Variants in AFF3 observed in about 807,000 individuals in gnomAD.
The protein encoded by AFF3 is ALF transcription elongation factor 3.
Under a neutral mutation model 129.7 loss-of-function variants are expected in AFF3, and 32 were observed. The ratio of observed to expected loss-of-function variants is 0.25; its 90% confidence interval spans 0.19 to 0.33. The LOEUF (loss-of-function observed/expected upper bound fraction) is 0.33. AFF3 is among the 10% of genes least tolerant of loss of function. The pLI is 1.00. For missense variants in AFF3, 1,373 were observed against 1,592.0 expected, an observed-to-expected ratio of 0.86 and a Z score of 2.34; for synonymous variants, 644 against 635.4, an observed-to-expected ratio of 1.01 and a Z score of -0.20.
chr2:99,646,380 C>T (rs1485476101), intron 13 of AFF3, among the ~76,000 whole-genome samples: 1 of 152,096 alleles, frequency 6.6e-6, no homozygotes, highest in East Asian at 1.9e-4. Context: ...TCTGTCCTGT[C>T]CCAGAATTAT....
chr2:99,578,501 C>T (rs1224798601), intron 17 of AFF3, 50 bp from the exon 18 acceptor site: 20 of 1,603,774 alleles, frequency 1.2e-5, no homozygotes, highest in East Asian at 6.8e-5. Flanking sequence ...CCTGGTGAAG[C>T]GAGCAGCCCA....
chr2:99,573,262 T>TTC (rs3838577), intron 18 of AFF3, among the ~76,000 whole-genome samples: 25,856 of 151,550 alleles, frequency 0.17, 5,223 homozygotes, highest in African/African-American at 0.48. Flanking sequence ...CTTCATTTCT[T>TTC]TCTCTCTCTC....
chr2:99,626,826 GTAGT>G (rs1682633039), intron 13 of AFF3, among the ~76,000 whole-genome samples: 1 of 152,156 alleles, frequency 6.6e-6, no homozygotes, highest in Non-Finnish European at 1.5e-5. Context: ...AGAACATACT[GTAGT>G]TAGTTTCCTT....
intron 13 of AFF3, among the ~76,000 whole-genome samples, chr2:99,602,066 G>A (rs1307417913): frequency 1.1e-4 from 17 of 152,214 alleles, no homozygotes; most frequent in Non-Finnish European, 1.5e-5. Flanking sequence ...GGAAAATGCA[G>A]CATGATGGCA....
chr2:99,687,169 A>G (rs1317158931), intron 11 of AFF3, among the ~76,000 whole-genome samples: 1 of 152,232 alleles, frequency 6.6e-6, no homozygotes, highest in Non-Finnish European at 1.5e-5. Context: ...TAGGAATGCA[A>G]TTTCCTATGT....
At chr2:99,908,311 T>C (rs1360028702) in intron 7 of AFF3, among the ~76,000 whole-genome samples, 1 of 152,130 alleles carries the variant, frequency 6.6e-6, no homozygotes, top group Non-Finnish European at 1.5e-5. Flanking sequence ...CCTTACACCT[T>C]ATACAAAAAT....
At chr2:99,720,096 G>A (rs1412445654) in intron 11 of AFF3, among the ~76,000 whole-genome samples, 1 of 152,128 alleles carries the variant, frequency 6.6e-6, no homozygotes, top group East Asian at 1.9e-4. Context: ...TAGACCGCAG[G>A]CAGTCTTAAT....
At position 99,660,136 on chromosome 2, in the gene AFF3, T is replaced by A. The variant is rs143655462; in HGVS notation, c.1144-10470A>T. ...GGACCTTTAAAAAGTCCTTATGCTA[T>A]CGCAATATGATGCTTTGGTAGAGTC... On this transcript the variant is annotated intron_variant, in intron 12 of 24. Transcript: ENST00000672756. Among the ~76,000 whole-genome samples the A allele has an allele frequency of 2.6e-4, 40 of 152,352 alleles. No individual in the cohort carries two copies. In the East Asian group the frequency reaches 6.9e-3, roughly 26 times the overall value.
At chr2:99,947,542 AGAG>A (rs1313181223) in intron 7 of AFF3, among the ~76,000 whole-genome samples, 11 of 144,190 alleles carry the variant, frequency 7.6e-5, no homozygotes, top group African/African-American at 3.0e-4. Flanking sequence ...AAAGAAAAAG[AGAG>A]AAAGAAAGAG....
rs76423894 is a variant in AFF3 at position 100,007,655 on chromosome 2, A to G, written c.175-195T>C. The G allele has an allele frequency of 7.1e-3, 4,417 of 618,172 alleles. 23 individuals carry two copies. The highest frequency in any genetic ancestry group is 8.5e-3 in the Non-Finnish European group (3,017 of 355,414). 38.3% of individuals were successfully genotyped at this position (618,172 alleles called of 1,614,324 possible). Reference sequence around the variant, plus strand: ...TGATGCACCAGAACAGGAAGCCTGTAATGGCCTTGGGGTGCATAAAAAGGG... The same window carrying G: ...TGATGCACCAGAACAGGAAGCCTGTGATGGCCTTGGGGTGCATAAAAAGGG... On this transcript the variant is annotated intron_variant, in intron 5 of 24. Coordinates refer to ENST00000672756, the MANE Select transcript of AFF3 (RefSeq NM_001386135.1).
chr2:100,094,509 G>C (rs1482375384), intron 4 of AFF3, among the ~76,000 whole-genome samples: 2 of 151,992 alleles, frequency 1.3e-5, no homozygotes. Flanking sequence ...GTTAGCAATG[G>C]GGAGCAGCTG....
chr2:99,572,773 G>A (rs946576682), intron 18 of AFF3: 11 of 397,374 alleles, frequency 2.8e-5, no homozygotes, highest in African/African-American at 2.1e-4. Flanking sequence ...CAGAGTCAGT[G>A]AAGACTATGG....
intron 11 of AFF3, among the ~76,000 whole-genome samples, chr2:99,702,894 G>A (rs1322435816): frequency 6.6e-6 from 1 of 152,196 alleles, no homozygotes; most frequent in African/African-American, 2.4e-5. Context: ...CTTTCACAGA[G>A]CAAAAGGTTT....
chr2:100,064,588 C>A (rs1297446207), intron 4 of AFF3, among the ~76,000 whole-genome samples: 1 of 152,190 alleles, frequency 6.6e-6, no homozygotes, highest in African/African-American at 2.4e-5. Context: ...CCTTCCTCAA[C>A]AAAAAGCTTG....
intron 7 of AFF3, among the ~76,000 whole-genome samples, chr2:99,871,811 G>A (rs1158671704): frequency 6.6e-6 from 1 of 152,080 alleles, no homozygotes; most frequent in Non-Finnish European, 1.5e-5. Flanking sequence ...GGGTTTAGTT[G>A]CAACCCACAC....
chr2:99,739,767 G>A (rs962248225), intron 10 of AFF3, among the ~76,000 whole-genome samples: 5 of 151,250 alleles, frequency 3.3e-5, no homozygotes, highest in African/African-American at 9.7e-5. Context: ...TTTTGTTTTT[G>A]GTTTCTCTGA....
chr2:100,142,175 C>T (rs1692913944), intron 1 of AFF3, among the ~76,000 whole-genome samples: 1 of 152,042 alleles, frequency 6.6e-6, no homozygotes, highest in African/African-American at 2.4e-5. Context: ...AGCATGTTCA[C>T]ACTCAGGTTA....
chr2:99,838,534 G>A (rs1245273843), intron 7 of AFF3, among the ~76,000 whole-genome samples: 3 of 151,980 alleles, frequency 2.0e-5, no homozygotes, highest in South Asian at 2.1e-4. Context: ...AGCTTCCTCC[G>A]AGCAGCCACC....
At chr2:99,887,608 C>A (rs1310666954) in intron 7 of AFF3, among the ~76,000 whole-genome samples, 3 of 152,198 alleles carry the variant, frequency 2.0e-5, no homozygotes, top group Non-Finnish European at 4.4e-5. Flanking sequence ...TCTTCAATGT[C>A]AGGAGTTACT....
Sources: allele counts gnomAD v4.1 joint callset (sites outside exome capture counted in the v4.1 genomes callset), GRCh38; gene constraint gnomAD v4.1.1; transcripts MANE v1.5; gene names NCBI Gene and HGNC (gene_info 2026-07-23, HGNC 2026-07-21).